Variants in INSL6 observed in about 807,000 individuals in gnomAD.
The protein encoded by INSL6 is insulin-like peptide INSL6.
In INSL6, 16 loss-of-function variants were observed where a neutral mutation model predicts 9.4. The ratio of observed to expected loss-of-function variants is 1.70; its 90% confidence interval spans 1.15 to 2.59. The LOEUF (loss-of-function observed/expected upper bound fraction) is 2.59, where lower values mean the gene tolerates loss of function less well. INSL6 is among the 30% of genes most tolerant of loss of function. The pLI is 0.00. For synonymous variants in INSL6, 154 were observed against 96.9 expected, an observed-to-expected ratio of 1.59 and a Z score of -3.46; for missense variants, 391 against 257.3, an observed-to-expected ratio of 1.52 and a Z score of -3.56.
chr9:5,131,687 G>A (rs1462251693), intron 3 of INSL6, among the ~76,000 whole-genome samples: 3 of 152,082 alleles, frequency 2.0e-5, no homozygotes, highest in South Asian at 2.1e-4. Context: ...TGATCCAACC[G>A]CCTCAACCTC....
At chr9:5,118,084 A>G in the INSL6 span, among the ~76,000 whole-genome samples, 1 of 152,152 alleles carries the variant, frequency 6.6e-6, no homozygotes, top group Non-Finnish European at 1.5e-5. Flanking sequence ...TGTCCAACTG[A>G]ATCTAAATAG....
At chr9:5,155,700 A>G (rs982008880) in intron 2 of INSL6, among the ~76,000 whole-genome samples, 31 of 150,016 alleles carry the variant, frequency 2.1e-4, no homozygotes, top group Non-Finnish European at 3.9e-4. Flanking sequence ...GTTCTCACTC[A>G]TAAGTGGGAG....
chr9:5,005,835 T>G, the INSL6 span, among the ~76,000 whole-genome samples: 2 of 152,238 alleles, frequency 1.3e-5, no homozygotes, highest in East Asian at 3.8e-4. Context: ...AGGGCTCTGT[T>G]CTGTTCCATT....
At chr9:5,176,176 C>G (rs1213157947) in intron 1 of INSL6, among the ~76,000 whole-genome samples, 1 of 152,196 alleles carries the variant, frequency 6.6e-6, no homozygotes, top group African/African-American at 2.4e-5. Flanking sequence ...AGAAGGGCCT[C>G]TGCTCCACTA....
At chr9:5,027,989 A>T in the INSL6 span, among the ~76,000 whole-genome samples, 1 of 152,324 alleles carries the variant, frequency 6.6e-6, no homozygotes, top group African/African-American at 2.4e-5. Context: ...ACTCCTGTTA[A>T]TGTTGACATT....
the INSL6 span, among the ~76,000 whole-genome samples, chr9:5,107,494 G>A: frequency 6.6e-6 from 1 of 151,876 alleles, no homozygotes; most frequent in East Asian, 1.9e-4. Context: ...AATCACCACA[G>A]CCCTTATACT....
At chr9:5,134,885 A>C (rs887033572) in intron 2 of INSL6, among the ~76,000 whole-genome samples, 1 of 152,188 alleles carries the variant, frequency 6.6e-6, no homozygotes, top group Non-Finnish European at 1.5e-5. Flanking sequence ...TAAAAGACAC[A>C]CACTGGCAAA....
the INSL6 span, among the ~76,000 whole-genome samples, chr9:5,002,570 T>C: frequency 3.3e-3 from 501 of 152,124 alleles, 6 homozygotes; most frequent in Non-Finnish European, 4.0e-3. Flanking sequence ...TTAGTGAATG[T>C]TCTGTGAGCA....
chr9:5,050,874 G>C, the INSL6 span: 1 of 1,500,376 alleles, frequency 6.7e-7, no homozygotes, highest in East Asian at 2.3e-5. Context: ...TGTGAGTAGA[G>C]ATTTTATATA....
intron 1 of INSL6, among the ~76,000 whole-genome samples, chr9:5,165,350 T>G (rs1034727731): frequency 1.3e-5 from 2 of 152,360 alleles, no homozygotes; most frequent in Admixed American, 1.3e-4. Context: ...TTTGAGGAAC[T>G]GCCAAACTTT....
chr9:5,115,970 TG>T, the INSL6 span, among the ~76,000 whole-genome samples: 5 of 152,056 alleles, frequency 3.3e-5, no homozygotes, highest in African/African-American at 1.2e-4. Flanking sequence ...GATGGGTTGA[TG>T]GGTGCAGCAA....
chr9:5,085,417 C>A, the INSL6 span: 1 of 758,786 alleles, frequency 1.3e-6, no homozygotes, highest in African/African-American at 1.7e-5. Context: ...TGCTTTACAA[C>A]TGTTGGCTAT....
chr9:5,153,406 G>A (rs908014420), intron 2 of INSL6, among the ~76,000 whole-genome samples: 2 of 152,202 alleles, frequency 1.3e-5, no homozygotes, highest in East Asian at 1.9e-4. Flanking sequence ...CACCCTCACG[G>A]TGTAAACAAA....
chr9:5,001,585 T>C, the INSL6 span, among the ~76,000 whole-genome samples: 2 of 152,066 alleles, frequency 1.3e-5, no homozygotes, highest in Non-Finnish European at 2.9e-5. Flanking sequence ...GGTTCTATGT[T>C]CTATTATTTT....
intron 2 of INSL6, among the ~76,000 whole-genome samples, chr9:5,156,361 G>C (rs1824814526): frequency 6.6e-6 from 1 of 152,088 alleles, no homozygotes; most frequent in Admixed American, 6.6e-5. Context: ...TCTGATATCA[G>C]AACCAGATAA....
At chr9:5,068,031 G>A in the INSL6 span, among the ~76,000 whole-genome samples, 721 of 152,052 alleles carry the variant, frequency 4.7e-3, 2 homozygotes, top group Admixed American at 0.011. Context: ...ATGGTGGTGC[G>A]CACCTGTAGT....
At chr9:5,097,211 C>G in the INSL6 span, 1 of 152,192 alleles carries the variant, frequency 6.6e-6, no homozygotes, top group Admixed American at 6.5e-5. Flanking sequence ...CACCCCTTTT[C>G]GTCCAACCAT....
chr9:5,145,073 T>A (rs1166158416), intron 2 of INSL6, among the ~76,000 whole-genome samples: 2 of 152,238 alleles, frequency 1.3e-5, no homozygotes, highest in African/African-American at 2.4e-5. Context: ...GTCTGTATAC[T>A]TCAATGTGTT....
At chr9:5,141,436 C>A (rs775697799) in intron 2 of INSL6, among the ~76,000 whole-genome samples, 1 of 152,174 alleles carries the variant, frequency 6.6e-6, no homozygotes, top group African/African-American at 2.4e-5. Context: ...TTATGATTTA[C>A]GTTTCTCTAA....
Sources: allele counts gnomAD v4.1 joint callset (sites outside exome capture counted in the v4.1 genomes callset), GRCh38; gene constraint gnomAD v4.1.1; transcripts MANE v1.5; gene names NCBI Gene and HGNC (gene_info 2026-07-23, HGNC 2026-07-21).